Variants in TAFA1 observed in about 807,000 individuals in gnomAD.
TAFA1 encodes TAFA chemokine like family member 1.
TAFA1 carries 4 observed loss-of-function variants against 18.5 expected under a neutral mutation model. That is an observed-to-expected ratio of 0.22 (90% CI 0.11 to 0.49). The LOEUF (loss-of-function observed/expected upper bound fraction) is 0.49, where lower values mean the gene tolerates loss of function less well. Among genes scored for constraint, TAFA1 ranks in the 20% least tolerant of loss-of-function variants. The probability of loss-of-function intolerance (pLI) is 0.98; values close to 1 mark genes in which losing one functional copy is unlikely to be tolerated. For missense variants in TAFA1, 147 were observed against 169.0 expected, an observed-to-expected ratio of 0.87 and a Z score of 0.72; for synonymous variants, 56 against 55.2, an observed-to-expected ratio of 1.01 and a Z score of -0.06.
intron 2 of TAFA1, among the ~76,000 whole-genome samples, chr3:68,152,029 G>A (rs2065812538): frequency 6.6e-6 from 1 of 152,080 alleles, no homozygotes. Context: ...ATCTTACAAA[G>A]CCCTCTATGA....
chr3:68,228,650 T>C (rs578032313), intron 2 of TAFA1, among the ~76,000 whole-genome samples: 1 of 152,382 alleles, frequency 6.6e-6, no homozygotes, highest in South Asian at 2.1e-4. Flanking sequence ...CTGTTGTCTC[T>C]GTAGTCTTGG....
At chr3:68,537,526 T>A (rs1449610678) in intron 3 of TAFA1, among the ~76,000 whole-genome samples, 2 of 152,132 alleles carry the variant, frequency 1.3e-5, no homozygotes, top group African/African-American at 4.8e-5. Flanking sequence ...AGAAAATAGC[T>A]GGTAAATATT....
chr3:68,464,265 T>A (rs532406667), intron 3 of TAFA1, among the ~76,000 whole-genome samples: 95 of 152,218 alleles, frequency 6.2e-4, no homozygotes, highest in Middle Eastern at 6.8e-3. Flanking sequence ...GATAGGACAG[T>A]GAATGAAAAT....
At chr3:68,082,082 GC>G (rs1266769578) in intron 2 of TAFA1, among the ~76,000 whole-genome samples, 1 of 152,196 alleles carries the variant, frequency 6.6e-6, no homozygotes, top group Non-Finnish European at 1.5e-5. Flanking sequence ...TTTTCCAGTT[GC>G]CGTCCGTCAC....
chr3:68,266,863 C>A (rs2067556467), intron 2 of TAFA1, among the ~76,000 whole-genome samples: 2 of 152,160 alleles, frequency 1.3e-5, no homozygotes, highest in Admixed American at 6.6e-5. Flanking sequence ...GGCTTGTTAT[C>A]ATAATTTGAA....
At chr3:68,000,255 A>G (rs539759794), upstream of TAFA1, among the ~76,000 whole-genome samples, 3 of 152,344 alleles carry the variant, frequency 2.0e-5, no homozygotes, top group East Asian at 5.8e-4. Context: ...GCAGTGACCA[A>G]TATGCTTGTC....
intron 2 of TAFA1, among the ~76,000 whole-genome samples, chr3:68,120,180 T>TCTTC (rs2065375353): frequency 6.7e-5 from 1 of 14,900 alleles, no homozygotes. Context: ...TCTCTTTCTT[T>TCTTC]CTTTCTTTCT....
At chr3:68,491,579 T>C (rs1389308271) in intron 3 of TAFA1, among the ~76,000 whole-genome samples, 2 of 150,506 alleles carry the variant, frequency 1.3e-5, no homozygotes, top group Non-Finnish European at 3.0e-5. Context: ...TTGGGAGATA[T>C]ACCTAATGTT....
chr3:68,326,405 C>T (rs1054320069), intron 2 of TAFA1, among the ~76,000 whole-genome samples: 1 of 152,144 alleles, frequency 6.6e-6, no homozygotes, highest in African/African-American at 2.4e-5. Context: ...ACAGAATAAG[C>T]ACCATTGGGA....
chr3:68,445,825 T>A (rs2071466232), intron 3 of TAFA1, among the ~76,000 whole-genome samples: 1 of 152,166 alleles, frequency 6.6e-6, no homozygotes, highest in Admixed American at 6.6e-5. Flanking sequence ...AACCACAGCC[T>A]AAAGCAGAAG....
intron 3 of TAFA1, among the ~76,000 whole-genome samples, chr3:68,502,466 A>G (rs981419776): frequency 2.6e-5 from 4 of 152,160 alleles, no homozygotes; most frequent in Non-Finnish European, 5.9e-5. Flanking sequence ...TTGATGGATT[A>G]CTAAAAATTG....
chr3:68,176,549 G>T (rs2066128817), intron 2 of TAFA1, among the ~76,000 whole-genome samples: 1 of 152,092 alleles, frequency 6.6e-6, no homozygotes, highest in South Asian at 2.1e-4. Context: ...TAATTGACAG[G>T]ATTTGCATTA....
intron 3 of TAFA1, among the ~76,000 whole-genome samples, chr3:68,418,981 G>A (rs1264030124): frequency 6.6e-6 from 1 of 152,160 alleles, no homozygotes; most frequent in Non-Finnish European, 1.5e-5. Flanking sequence ...TTGCAGTCAA[G>A]ATCTGAAGGT....
chr3:68,260,527 A>C (rs1331017430), intron 2 of TAFA1, among the ~76,000 whole-genome samples: 1 of 152,190 alleles, frequency 6.6e-6, no homozygotes, highest in African/African-American at 2.4e-5. Flanking sequence ...CTATACTACA[A>C]GGCTACAGTA....
intron 2 of TAFA1, among the ~76,000 whole-genome samples, chr3:68,225,268 T>C (rs1341406698): frequency 1.3e-5 from 2 of 152,094 alleles, no homozygotes; most frequent in Non-Finnish European, 2.9e-5. Flanking sequence ...TTAAGCCTAG[T>C]GTACTCTCAT....
chr3:68,120,051 G>A (rs2065369958), intron 2 of TAFA1, among the ~76,000 whole-genome samples: 1 of 152,144 alleles, frequency 6.6e-6, no homozygotes, highest in Non-Finnish European at 1.5e-5. Flanking sequence ...TCAGAGCAGG[G>A]TAGGATGTGG....
intron 2 of TAFA1, among the ~76,000 whole-genome samples, chr3:68,098,177 G>A (rs2065108998): frequency 6.6e-6 from 1 of 152,104 alleles, no homozygotes. Context: ...ACAGAATCGT[G>A]ATGGAAGTCA....
chr3:68,260,759 G>A (rs547441942), intron 2 of TAFA1, among the ~76,000 whole-genome samples: 5 of 152,080 alleles, frequency 3.3e-5, no homozygotes, highest in South Asian at 2.1e-4. Flanking sequence ...CACCTTATAC[G>A]AAAATCAATT....
At chr3:68,228,595 T>A (rs2066832128) in intron 2 of TAFA1, among the ~76,000 whole-genome samples, 1 of 152,254 alleles carries the variant, frequency 6.6e-6, no homozygotes, top group Admixed American at 6.5e-5. Flanking sequence ...TACTTGTCCA[T>A]CTCTCCTACT....
Sources: allele counts gnomAD v4.1 joint callset (sites outside exome capture counted in the v4.1 genomes callset), GRCh38; gene constraint gnomAD v4.1.1; transcripts MANE v1.5; gene names NCBI Gene and HGNC (gene_info 2026-07-23, HGNC 2026-07-21).